DNAH5: variants seen among roughly 807,000 people sequenced by gnomAD.
DNAH5 encodes dynein axonemal heavy chain 5.
Under a neutral mutation model 518.2 loss-of-function variants are expected in DNAH5, and 372 were observed. The observed-to-expected ratio is 0.72, with a 90% CI of 0.66 to 0.78. DNAH5 has a LOEUF of 0.78. DNAH5 is among the 30% of genes least tolerant of loss of function. The pLI is 0.00. For synonymous variants in DNAH5, 2,039 were observed against 2,025.9 expected, an observed-to-expected ratio of 1.01 and a Z score of -0.17; for missense variants, 5,523 against 5,687.0, an observed-to-expected ratio of 0.97 and a Z score of 0.93.
Position 13,735,234 on chromosome 5 carries a change from C to A in DNAH5, c.11658G>T (p.Gly3886=), listed in dbSNP as rs1183924577. Reference sequence around the variant, plus strand: ...ACAGGAATTTGTGCTCCTCGTACAGCCCTCGGGCAGCATACTTATAAACCT... The same window carrying A: ...ACAGGAATTTGTGCTCCTCGTACAGACCTCGGGCAGCATACTTATAAACCT... The part of the protein sequence containing the change: ...TYEVYKYAAR[G]LYEEHKFLFT... Residue 3886 remains glycine (G), a synonymous_variant, in exon 68 of 79, where the codon GGG becomes GGT. Transcript: ENST00000265104. 1.2e-6 allele frequency: 2 copies of A among 1,614,074 alleles called. No individual in the cohort carries two copies. The highest frequency in any genetic ancestry group is 1.1e-5 in the South Asian group (1 of 91,066).
At chr5:13,713,748 T>G (rs1240818199) in intron 75 of DNAH5, among the ~76,000 whole-genome samples, 2 of 151,774 alleles carry the variant, frequency 1.3e-5, no homozygotes, top group African/African-American at 2.4e-5. Flanking sequence ...CGCATACTGC[T>G]TAGGTGATGG....
At position 13,823,369 on chromosome 5, in the gene DNAH5, A is replaced by C. The variant is rs755113058; in HGVS notation, c.6581T>G (p.Ile2194Ser). Residue 2194 changes from isoleucine (I) to serine (S), a missense_variant and splice_region_variant, in exon 40 of 79, where the codon ATT becomes AGT. Physicochemically the swap from Ile to Ser is moderately radical, Grantham distance 142 (BLOSUM62 -2). Around this residue, in one of 3 missense-constraint regions of DNAH5, gnomAD observed 5,121 missense variants for 5,223.3 expected, o/e 0.98. Transcript: ENST00000265104. ...CAAAAACAAGGGTTCATCCTCATCAATCTAAAAAAAGAAAATGGGAAATCA... is the reference window on the plus strand; with the variant it reads ...CAAAAACAAGGGTTCATCCTCATCACTCTAAAAAAAGAAAATGGGAAATCA... ...VLRDMNLSKL[I>S]DEDEPLFLSL... 4 of 1,603,646 alleles carry C rather than the reference A, an allele frequency of 2.5e-6. No homozygotes were observed. In the South Asian group the frequency reaches 4.4e-5, roughly 18 times the overall value.
At chr5:13,777,157 G>A (rs202149256) in intron 54 of DNAH5, 45 bp downstream of exon 54, 1 of 1,583,052 alleles carries the variant, frequency 6.3e-7, no homozygotes, top group Non-Finnish European at 8.7e-7. Flanking sequence ...TAAGCTGGAG[G>A]AAATCTGAAG....
At chr5:13,863,320 C>T (rs908761407) in intron 28 of DNAH5, among the ~76,000 whole-genome samples, 11 of 152,132 alleles carry the variant, frequency 7.2e-5, no homozygotes, top group Admixed American at 2.0e-4. Context: ...CAGGCAAGAC[C>T]CACATCCATT....
intron 2 of DNAH5, among the ~76,000 whole-genome samples, chr5:13,928,749 C>T (rs1198052967): frequency 1.3e-5 from 2 of 152,082 alleles, no homozygotes; most frequent in Non-Finnish European, 2.9e-5. Flanking sequence ...TTTAAATAGT[C>T]AATAGCACTG....
At chr5:13,838,722 A>G (rs2151855662) in intron 35 of DNAH5, among the ~76,000 whole-genome samples, 1 of 152,326 alleles carries the variant, frequency 6.6e-6, no homozygotes, top group South Asian at 2.1e-4. Context: ...ATGAGCTTGA[A>G]TCAACCCGAA....
intron 31 of DNAH5, among the ~76,000 whole-genome samples, chr5:13,846,450 C>T (rs545897501): frequency 2.0e-5 from 3 of 152,158 alleles, no homozygotes; most frequent in Non-Finnish European, 2.9e-5. Context: ...GATCAGAAAC[C>T]GGAGCCTGAT....
intron 16 of DNAH5, among the ~76,000 whole-genome samples, chr5:13,892,373 A>C (rs2151950658): frequency 6.6e-6 from 1 of 152,334 alleles, no homozygotes; most frequent in Non-Finnish European, 1.5e-5. Flanking sequence ...GATGTGATCA[A>C]GTTAGGGATT....
chr5:13,863,891 A>G (rs1483409707), intron 28 of DNAH5, among the ~76,000 whole-genome samples: 2 of 152,134 alleles, frequency 1.3e-5, no homozygotes, highest in Non-Finnish European at 2.9e-5. Flanking sequence ...TCCACGCCTC[A>G]GCCACATGGG....
chr5:13,979,388 T>C (rs1247023189), intron 1 of DNAH5, among the ~76,000 whole-genome samples: 2 of 152,204 alleles, frequency 1.3e-5, no homozygotes, highest in Admixed American at 6.5e-5. Context: ...AATGTTATTG[T>C]CATCACCCTC....
intron 52 of DNAH5, among the ~76,000 whole-genome samples, chr5:13,781,357 T>A (rs1335425221): frequency 6.6e-6 from 1 of 152,174 alleles, no homozygotes; most frequent in African/African-American, 2.4e-5. Flanking sequence ...ACCCTTGGCA[T>A]ACAGGGCATC....
chr5:13,803,744 G>T (rs994257121), intron 47 of DNAH5, among the ~76,000 whole-genome samples: 2 of 152,162 alleles, frequency 1.3e-5, no homozygotes, highest in Non-Finnish European at 2.9e-5. Flanking sequence ...TCCCTTGCAG[G>T]AAGAAAAGAT....
intron 65 of DNAH5, among the ~76,000 whole-genome samples, chr5:13,743,004 T>C (rs1191782241): frequency 6.6e-6 from 1 of 152,100 alleles, no homozygotes; most frequent in Non-Finnish European, 1.5e-5. Context: ...TATAGGCATA[T>C]TTTCATTTAT....
chr5:13,824,903 T>C (rs893801696), intron 38 of DNAH5, among the ~76,000 whole-genome samples: 1 of 152,210 alleles, frequency 6.6e-6, no homozygotes, highest in Non-Finnish European at 1.5e-5. Flanking sequence ...AAAAGCTCAA[T>C]TATGTCAAAT....
chr5:13,864,641 T>C lies in DNAH5; in HGVS notation c.4356-4A>G, dbSNP rs369128105. On this transcript the variant is annotated splice_region_variant and splice_polypyrimidine_tract_variant and intron_variant, in intron 27 of 78. Coordinates refer to ENST00000265104, the MANE Select transcript of DNAH5 (RefSeq NM_001369.3). ...GGCCCGGGGAAGCTTTCGACATCTG[T>C]GAAGGGACACCAACATGAAAGGCCA... 4.3e-6 allele frequency: 7 copies of C among 1,614,100 alleles called. No individual in the cohort carries two copies. Among genetic ancestry groups the C allele is most frequent in the Non-Finnish European group, 5.9e-6 (7 of 1,179,994 alleles).
chr5:13,871,542 A>G, intron 23 of DNAH5, 22 bp downstream of exon 23: 1 of 1,584,040 alleles, frequency 6.3e-7, no homozygotes, highest in South Asian at 1.1e-5. Context: ...TTATATAACT[A>G]TATGAAAGAA....
At chr5:13,830,258 T>C (rs745953966) in intron 36 of DNAH5, 45 bp from the exon 37 acceptor site, 4 of 1,555,538 alleles carry the variant, frequency 2.6e-6, no homozygotes, top group South Asian at 2.3e-5. Context: ...TATATAATTT[T>C]AGAAAACCAA....
At position 13,700,833 on chromosome 5, in the gene DNAH5, A is replaced by G. The variant is rs563536491; in HGVS notation, c.13530T>C (p.Asn4510=). 1.9e-6 allele frequency: 3 copies of G among 1,614,140 alleles called. No homozygotes were observed. The highest frequency in any genetic ancestry group is 1.1e-5 in the South Asian group (1 of 91,086). ...TGGTGACTTCATTGCAAAGCACCATATTGTCCAGAGCCCAGCCTTTGTTGG... is the reference window on the plus strand; with the variant it reads ...TGGTGACTTCATTGCAAAGCACCATGTTGTCCAGAGCCCAGCCTTTGTTGG... ...TRANKGWALD[N]MVLCNEVTKW... The change falls in exon 78 of 79, where the codon AAT becomes AAC. Residue 4510 remains asparagine (N), a synonymous_variant. Coordinates refer to ENST00000265104, the MANE Select transcript of DNAH5 (RefSeq NM_001369.3).
chr5:13,699,803 T>C (rs1741851275), intron 78 of DNAH5, among the ~76,000 whole-genome samples: 1 of 152,200 alleles, frequency 6.6e-6, no homozygotes, highest in Non-Finnish European at 1.5e-5. Context: ...ATAAAATCAG[T>C]ACTTCCTTGG....
Sources: gnomAD v4.1 joint callset for allele counts (sites outside exome capture counted in the v4.1 genomes callset) on GRCh38, gnomAD v4.1.1 for gene constraint, gnomAD v4.1.1 regional missense constraint, MANE v1.5 for transcripts, NCBI Gene and HGNC (gene_info 2026-07-23, HGNC 2026-07-21) for gene names.